Variants in ADAP2 observed in about 807,000 individuals in gnomAD.
ADAP2 encodes ArfGAP with dual PH domains 2, also known as arf-GAP with dual PH domain-containing protein 2.
In ADAP2, 42 loss-of-function variants were observed where a neutral mutation model predicts 54.9. The observed-to-expected ratio is 0.77, with a 90% CI of 0.60 to 0.99. The LOEUF (loss-of-function observed/expected upper bound fraction) is 0.99. ADAP2 is among the 50% of genes least tolerant of loss of function. ADAP2 has a pLI of 0.00. For synonymous variants in ADAP2, 177 were observed against 180.1 expected, an observed-to-expected ratio of 0.98 and a Z score of 0.14; for missense variants, 429 against 480.4, an observed-to-expected ratio of 0.89 and a Z score of 1.00.
intron 1 of ADAP2, among the ~76,000 whole-genome samples, chr17:30,922,350 C>T (rs1161161090): frequency 1.3e-5 from 2 of 152,060 alleles, no homozygotes; most frequent in Non-Finnish European, 2.9e-5. Flanking sequence ...GGACCAGATG[C>T]GCATCTTCCC....
chr17:30,955,127 A>G (rs932844804), intron 9 of ADAP2, among the ~76,000 whole-genome samples: 6 of 146,738 alleles, frequency 4.1e-5, no homozygotes, highest in Non-Finnish European at 6.0e-5. Flanking sequence ...TTTTTTTTTT[A>G]GAGACAGAGT....
At chr17:30,928,968 G>A (rs1007368335) in intron 3 of ADAP2, among the ~76,000 whole-genome samples, 1 of 152,206 alleles carries the variant, frequency 6.6e-6, no homozygotes, top group African/African-American at 2.4e-5. Flanking sequence ...CATTTCAGCT[G>A]CCGAGCCTCA....
chr17:30,927,241 G>A (rs1435385205), intron 3 of ADAP2, among the ~76,000 whole-genome samples: 1 of 152,024 alleles, frequency 6.6e-6, no homozygotes, highest in East Asian at 1.9e-4. Context: ...CTTACAGATG[G>A]TGGCTAACTT....
intron 6 of ADAP2, among the ~76,000 whole-genome samples, 190 bp downstream of exon 6, chr17:30,945,243 G>A (rs894045676): frequency 3.3e-5 from 5 of 152,204 alleles, no homozygotes; most frequent in African/African-American, 1.2e-4. Context: ...GGTGAGATCA[G>A]GGAGAGGAAC....
chr17:30,957,916 G>T lies in ADAP2; in HGVS notation c.*47G>T. On this transcript the variant is annotated 3_prime_UTR_variant, in exon 11 of 11. Coordinates refer to ENST00000330889, the MANE Select transcript of ADAP2 (RefSeq NM_018404.3). ...TGCCACTGAACACCTGGAACTCCTT[G>T]TGGGAAGAAGTTTGCACCTCGGCCC... 6.3e-7 allele frequency: 1 copy of T among 1,594,912 alleles called. No homozygotes were observed. The highest frequency in any genetic ancestry group is 8.6e-7 in the Non-Finnish European group (1 of 1,167,062).
chr17:30,932,087 G>T, intron 4 of ADAP2, 119 bp downstream of exon 4: 4 of 889,114 alleles, frequency 4.5e-6, no homozygotes, highest in Admixed American at 2.5e-5. Context: ...CACTGTGGCC[G>T]CAGAGGCCAA....
chr17:30,957,327 C>T (rs952253880), intron 10 of ADAP2, among the ~76,000 whole-genome samples: 1 of 152,098 alleles, frequency 6.6e-6, no homozygotes, highest in East Asian at 1.9e-4. Flanking sequence ...TGTCCCTCCA[C>T]TTTTCTCTCC....
intron 3 of ADAP2, among the ~76,000 whole-genome samples, chr17:30,931,431 C>A (rs1202165054): frequency 6.6e-6 from 1 of 152,170 alleles, no homozygotes; most frequent in Non-Finnish European, 1.5e-5. Context: ...AAGGAATTAT[C>A]CAACCCCGAA....
intron 6 of ADAP2, among the ~76,000 whole-genome samples, chr17:30,946,299 C>T (rs1207490559): frequency 1.3e-5 from 2 of 151,926 alleles, no homozygotes; most frequent in African/African-American, 4.8e-5. Flanking sequence ...GTGGCGTGAT[C>T]TCGGCTCACT....
chr17:30,928,266 C>T (rs181793616), intron 3 of ADAP2, among the ~76,000 whole-genome samples: 75 of 148,626 alleles, frequency 5.0e-4, no homozygotes, highest in Non-Finnish European at 7.0e-4. Context: ...GAGGCCGAGG[C>T]GGGCGGATCA....
At chr17:30,925,432 C>T (rs1266312658) in intron 2 of ADAP2, among the ~76,000 whole-genome samples, 2 of 152,038 alleles carry the variant, frequency 1.3e-5, no homozygotes. Flanking sequence ...CTGAGGTGAT[C>T]CACCTGCCTT....
chr17:30,957,202 C>A (rs1215852632), intron 10 of ADAP2, among the ~76,000 whole-genome samples: 1 of 152,114 alleles, frequency 6.6e-6, no homozygotes, highest in Non-Finnish European at 1.5e-5. Flanking sequence ...CCCATAAAGG[C>A]CAAAGCCAGA....
At chr17:30,948,012 G>A (rs1196147526) in intron 6 of ADAP2, among the ~76,000 whole-genome samples, 1 of 152,118 alleles carries the variant, frequency 6.6e-6, no homozygotes, top group Non-Finnish European at 1.5e-5. Flanking sequence ...AGCAGGGCTT[G>A]GGCTGAGCAA....
At chr17:30,948,905 T>C (rs1184410683) in intron 6 of ADAP2, among the ~76,000 whole-genome samples, 1 of 152,208 alleles carries the variant, frequency 6.6e-6, no homozygotes, top group African/African-American at 2.4e-5. Flanking sequence ...TGAGAGCGTG[T>C]TAGGAATGCA....
intron 7 of ADAP2, 151 bp from the exon 8 acceptor site, chr17:30,953,137 A>T: frequency 1.5e-6 from 1 of 655,892 alleles, no homozygotes; most frequent in African/African-American, 1.8e-5. Context: ...TATTAATATT[A>T]TGACCATTGC....
intron 7 of ADAP2, among the ~76,000 whole-genome samples, chr17:30,952,523 G>A (rs552842945): frequency 3.3e-5 from 5 of 152,212 alleles, no homozygotes; most frequent in South Asian, 2.1e-4. Context: ...TTACAAGCGC[G>A]TGCCACCATG....
At chr17:30,949,654 C>T (rs1300420369) in intron 7 of ADAP2, among the ~76,000 whole-genome samples, 1 of 148,556 alleles carries the variant, frequency 6.7e-6, no homozygotes, top group Non-Finnish European at 1.5e-5. Context: ...GAGGCTGAGG[C>T]AGGAGAATGG....
In ADAP2 at chr17:30,922,030, C is replaced by T; in HGVS notation, c.16C>T (p.Arg6Cys). 1.6e-6 allele frequency: 2 copies of T among 1,277,848 alleles called. No homozygotes were observed. Among genetic ancestry groups the T allele is most frequent in the South Asian group, 5.4e-5 (2 of 36,726 alleles). 79.2% of individuals were successfully genotyped at this position (1,277,848 alleles called of 1,614,324 possible). A position where few individuals can be genotyped will look rare whatever the true frequency, so the allele number is the denominator to read the frequency against. MGDRE[R>C]NKKRLLELLR... ...CGGGCCGGCCATGGGCGATCGCGAG[C>T]GCAACAAGAAGCGGCTGCTGGAGCT... The change falls in exon 1 of 11, where the codon CGC (arginine) becomes TGC (cysteine). Residue 6 changes from arginine (R) to cysteine (C), a missense_variant. Transcript: ENST00000330889.
intron 3 of ADAP2, among the ~76,000 whole-genome samples, chr17:30,927,762 G>A (rs1911173467): frequency 6.6e-6 from 1 of 152,184 alleles, no homozygotes; most frequent in Non-Finnish European, 1.5e-5. Context: ...GCCAGTGCCT[G>A]TAATCCTAGC....
Sources: allele counts gnomAD v4.1 joint callset (sites outside exome capture counted in the v4.1 genomes callset), GRCh38; gene constraint gnomAD v4.1.1; transcripts MANE v1.5; gene names NCBI Gene and HGNC (gene_info 2026-07-23, HGNC 2026-07-21).